Variants in MGME1 observed in about 807,000 individuals in gnomAD.
MGME1 encodes mitochondrial genome maintenance exonuclease 1, also known as chromosome 20 open reading frame 72.
Under a neutral mutation model 33.0 loss-of-function variants are expected in MGME1, and 22 were observed. The observed-to-expected ratio is 0.67, with a 90% CI of 0.48 to 0.95. MGME1 has a LOEUF of 0.95. MGME1 is among the 40% of genes least tolerant of loss of function. MGME1 has a pLI of 0.00. For missense variants in MGME1, 383 were observed against 397.8 expected, an observed-to-expected ratio of 0.96 and a Z score of 0.32; for synonymous variants, 133 against 144.0, an observed-to-expected ratio of 0.92 and a Z score of 0.55.
chr20:17,971,034 A>C (rs2035714849), intron 2 of MGME1, among the ~76,000 whole-genome samples: 1 of 152,234 alleles, frequency 6.6e-6, no homozygotes, highest in Admixed American at 6.5e-5. Flanking sequence ...CTTTTGTTAA[A>C]GGAAAGTTTC....
At chr20:17,980,959 C>CT (rs35067917) in intron 3 of MGME1, among the ~76,000 whole-genome samples, 11 of 151,934 alleles carry the variant, frequency 7.2e-5, no homozygotes, top group African/African-American at 2.2e-4. Flanking sequence ...ACATGGAGAT[C>CT]TTTTTTTTAA....
intron 3 of MGME1, 21 bp from the exon 4 acceptor site, chr20:17,988,145 C>G: frequency 6.2e-7 from 1 of 1,601,836 alleles, no homozygotes; most frequent in Non-Finnish European, 8.5e-7. Context: ...CCTACAAAGT[C>G]TTCCTGTGGT....
chr20:17,988,718 T>C (rs1028208162), intron 4 of MGME1, among the ~76,000 whole-genome samples: 3 of 149,400 alleles, frequency 2.0e-5, no homozygotes, highest in African/African-American at 7.4e-5. Flanking sequence ...AAAAAAAAAG[T>C]TAAAAAATAG....
At chr20:17,980,824 AT>A (rs1239903963) in intron 3 of MGME1, among the ~76,000 whole-genome samples, 6 of 149,214 alleles carry the variant, frequency 4.0e-5, no homozygotes, top group African/African-American at 7.3e-5. Flanking sequence ...AAAAAAAAAA[AT>A]CTTTTATTAG....
intron 2 of MGME1, 150 bp from the exon 3 acceptor site, chr20:17,975,534 C>T (rs1194583270): frequency 3.4e-5 from 21 of 612,878 alleles, no homozygotes; most frequent in African/African-American, 7.8e-5. Context: ...CCAGCCTGGG[C>T]GACAGAGGGA....
At chr20:17,986,419 A>G (rs1418131624) in intron 3 of MGME1, among the ~76,000 whole-genome samples, 1 of 150,488 alleles carries the variant, frequency 6.6e-6, no homozygotes, top group African/African-American at 2.5e-5. Flanking sequence ...TTTGTTACCC[A>G]CGCTGTTGTG....
rs1600414080 is a variant in MGME1, at chr20:17,990,948, C to T, written c.*839C>T. On this transcript the variant is annotated 3_prime_UTR_variant, in exon 5 of 5. Coordinates refer to ENST00000377710, the MANE Select transcript of MGME1 (RefSeq NM_052865.4). ...AATAGGTAATAAAAATTAGTTGTCC[C>T]TGGGTTTGGGAAACTTAAATGCCCA... The T allele has an allele frequency of 4.6e-5, 7 of 152,244 alleles. No homozygotes were observed. The South Asian group carries it at 1.5e-3, about 32-fold the overall frequency. 9.4% of individuals were successfully genotyped at this position (152,244 alleles called of 1,614,324 possible).
chr20:17,989,866 G>A, intron 4 of MGME1, 73 bp from the exon 5 acceptor site: 9 of 1,405,870 alleles, frequency 6.4e-6, no homozygotes, highest in Non-Finnish European at 8.8e-6. Flanking sequence ...GTTTGCCCTG[G>A]AGTAAGAAGG....
At chr20:17,981,817 T>A (rs890187678) in intron 3 of MGME1, among the ~76,000 whole-genome samples, 4 of 151,880 alleles carry the variant, frequency 2.6e-5, no homozygotes, top group African/African-American at 7.3e-5. Context: ...GCCTGGCTAA[T>A]TTTTTTTGTA....
rs1795806237 is a variant in MGME1 at position 17,969,931 on chromosome 20, C to T, written c.72C>T (p.Ala24=). ...RSSKFSVESA[A]LVAFSTSSYS... is the part of the protein sequence containing the mutation. ...CAAAGTTTTCTGTGGAATCAGCTGC[C>T]CTTGTGGCTTTCTCTACTTCCTCTT... The change falls in exon 2 of 5, where the codon GCC becomes GCT. Residue 24 remains alanine (A), a synonymous_variant. Transcript: ENST00000377710. 1 of 1,614,092 alleles carries T rather than the reference C, an allele frequency of 6.2e-7. No homozygotes were observed. Among genetic ancestry groups the T allele is most frequent in the Non-Finnish European group, 8.5e-7 (1 of 1,179,988 alleles).
At chr20:17,978,307 C>T (rs543038178) in intron 3 of MGME1, among the ~76,000 whole-genome samples, 31 of 152,208 alleles carry the variant, frequency 2.0e-4, no homozygotes, top group African/African-American at 6.3e-4. Context: ...TGGGTTCAAG[C>T]GATTCTCCTG....
chr20:17,975,553 C>CAA, intron 2 of MGME1, 131 bp from the exon 3 acceptor site: 1 of 674,618 alleles, frequency 1.5e-6, no homozygotes, highest in East Asian at 2.8e-5. Flanking sequence ...GAGACTCCAT[C>CAA]CAAAAAAAAA....
At chr20:17,979,089 T>C (rs1340570976) in intron 3 of MGME1, among the ~76,000 whole-genome samples, 1 of 151,766 alleles carries the variant, frequency 6.6e-6, no homozygotes, top group Non-Finnish European at 1.5e-5. Flanking sequence ...AGAATTTTTT[T>C]TTTTTAAGAC....
chr20:17,979,747 T>G (rs2035959305), intron 3 of MGME1, among the ~76,000 whole-genome samples: 1 of 151,852 alleles, frequency 6.6e-6, no homozygotes, highest in Non-Finnish European at 1.5e-5. Context: ...TAGTTTATTT[T>G]TTTGAGGCAG....
intron 3 of MGME1, among the ~76,000 whole-genome samples, chr20:17,976,123 A>G (rs527408834): frequency 6.6e-6 from 1 of 152,212 alleles, no homozygotes; most frequent in East Asian, 1.9e-4. Flanking sequence ...GGAGAAAGGT[A>G]TATTCTTTGT....
At chr20:17,985,273 A>G (rs2036127454) in intron 3 of MGME1, among the ~76,000 whole-genome samples, 1 of 151,982 alleles carries the variant, frequency 6.6e-6, no homozygotes, top group Non-Finnish European at 1.5e-5. Context: ...AAAATACAAA[A>G]TTAGCCAAGC....
chr20:17,976,735 C>T (rs756059717), intron 3 of MGME1, among the ~76,000 whole-genome samples: 1 of 152,092 alleles, frequency 6.6e-6, no homozygotes, highest in Non-Finnish European at 1.5e-5. Flanking sequence ...GATTTCAGCT[C>T]ACTGCAACCT....
In MGME1 at chr20:17,970,343, GA is replaced by G; in HGVS notation, c.486del (p.Asp163MetfsTer31). On this transcript the variant is annotated frameshift_variant, in exon 2 of 5. Transcript: ENST00000377710. LOFTEE classifies it high-confidence loss of function. ...WKQRMILELG[E>X]DGFKEYTSNV... is the part of the protein sequence containing the mutation. ...ACAGCGGATGATTCTGGAACTGGGAGAAGATGGCTTTAAAGAATACACTTCA... is the reference window on the plus strand; with the variant it reads ...ACAGCGGATGATTCTGGAACTGGGAGAGATGGCTTTAAAGAATACACTTCA... 3.1e-6 allele frequency: 5 copies of G among 1,613,536 alleles called. No individual in the cohort carries two copies. The highest frequency in any genetic ancestry group is 4.2e-6 in the Non-Finnish European group (5 of 1,179,912).
At chr20:17,986,194 G>A (rs929884087) in intron 3 of MGME1, among the ~76,000 whole-genome samples, 3 of 151,810 alleles carry the variant, frequency 2.0e-5, no homozygotes, top group Non-Finnish European at 4.4e-5. Flanking sequence ...TCAGCCTCCC[G>A]AGTAGCTGGG....
Sources: allele counts gnomAD v4.1 joint callset (sites outside exome capture counted in the v4.1 genomes callset), GRCh38; gene constraint gnomAD v4.1.1; transcripts MANE v1.5; gene names NCBI Gene and HGNC (gene_info 2026-07-23, HGNC 2026-07-21).